STAU2: variants seen among roughly 807,000 people sequenced by gnomAD.
STAU2 encodes the protein staufen double-stranded RNA binding protein 2, also known as double-stranded RNA-binding protein Staufen homolog 2.
In STAU2, 20 loss-of-function variants were observed where a neutral mutation model predicts 65.9. That is an observed-to-expected ratio of 0.30 (90% CI 0.21 to 0.44). The LOEUF (loss-of-function observed/expected upper bound fraction) is 0.44. STAU2 is among the 20% of genes least tolerant of loss of function. STAU2 has a pLI of 1.00. For missense variants in STAU2, 558 were observed against 683.9 expected (o/e 0.82, Z 2.05); for synonymous variants, 232 against 233.9 (o/e 0.99, Z 0.07).
chr8:73,684,347 T>C (rs980852899), intron 5 of STAU2, among the ~76,000 whole-genome samples: 2 of 151,950 alleles, frequency 1.3e-5, no homozygotes, highest in Non-Finnish European at 2.9e-5. Context: ...ACACAAAAAA[T>C]ATAAAGTGGG....
At chr8:73,739,232 CAAAAAAA>C (rs34324889) in intron 2 of STAU2, among the ~76,000 whole-genome samples, 1 of 106,452 alleles carries the variant, frequency 9.4e-6, no homozygotes. Context: ...GACTCCATCT[CAAAAAAA>C]AAAAAAAAAA....
At chr8:73,666,986 G>A (rs537164097) in intron 6 of STAU2, among the ~76,000 whole-genome samples, 7 of 152,140 alleles carry the variant, frequency 4.6e-5, no homozygotes, top group African/African-American at 9.6e-5. Context: ...TAAATACTTC[G>A]TAGGCAATTT....
chr8:73,587,128 T>A (rs1178376547), intron 11 of STAU2, among the ~76,000 whole-genome samples: 1 of 152,024 alleles, frequency 6.6e-6, no homozygotes, highest in African/African-American at 2.4e-5. Context: ...AAGAATCAGG[T>A]GTTGAAATTT....
chr8:73,506,647 G>C (rs1317975374), intron 13 of STAU2, among the ~76,000 whole-genome samples: 1 of 152,130 alleles, frequency 6.6e-6, no homozygotes, highest in Non-Finnish European at 1.5e-5. Flanking sequence ...GCTGAAGACT[G>C]GGGTGGCTAT....
intron 3 of STAU2, among the ~76,000 whole-genome samples, chr8:73,720,869 A>AT (rs577652286): frequency 1.4e-3 from 213 of 152,014 alleles, no homozygotes; most frequent in African/African-American, 5.0e-3. Flanking sequence ...GATTACTTAT[A>AT]TTTTTTAATT....
At chr8:73,491,921 CAAGAG>C in intron 13 of STAU2, among the ~76,000 whole-genome samples, 1 of 151,890 alleles carries the variant, frequency 6.6e-6, no homozygotes, top group African/African-American at 2.4e-5. Flanking sequence ...TAAAAATACG[CAAGAG>C]AAGAAACCAT....
intron 12 of STAU2, among the ~76,000 whole-genome samples, chr8:73,559,963 A>G (rs1298046614): frequency 6.6e-6 from 1 of 152,218 alleles, no homozygotes; most frequent in African/African-American, 2.4e-5. Flanking sequence ...CAAAACAATG[A>G]AAAAATAAAA....
Position 73,718,810 on chromosome 8 carries a change from A to C in STAU2, c.-17-9648T>G, listed in dbSNP as rs899612118. On this transcript the variant is annotated intron_variant, in intron 3 of 14. Transcript: ENST00000524300. The stretch of plus-strand genomic sequence containing the variant: ...TATTTTTGATGCTTTTGAAAATGCT[A>C]CTCTTTTATTTTCATTTATGATTGT... 2.0e-5 allele frequency among the ~76,000 whole-genome samples: 3 copies of C among 152,108 alleles called. No homozygotes were observed. The South Asian group carries it at 6.2e-4, about 32-fold the overall frequency.
intron 13 of STAU2, among the ~76,000 whole-genome samples, chr8:73,461,988 C>T (rs1819376650): frequency 6.6e-6 from 1 of 152,188 alleles, no homozygotes; most frequent in Non-Finnish European, 1.5e-5. Context: ...CACCCCATCC[C>T]TCCATCTTTT....
chr8:73,581,598 C>G (rs923716381), intron 12 of STAU2, among the ~76,000 whole-genome samples: 4 of 152,178 alleles, frequency 2.6e-5, no homozygotes, highest in African/African-American at 9.6e-5. Flanking sequence ...ATTCAAACAT[C>G]AAAGGAACTG....
At chr8:73,547,832 A>C (rs2128940962) in intron 13 of STAU2, among the ~76,000 whole-genome samples, 1 of 152,318 alleles carries the variant, frequency 6.6e-6, no homozygotes, top group East Asian at 1.9e-4. Context: ...CAAATTAAAA[A>C]TAAGGGAAAA....
At chr8:73,427,169 C>T (rs1303141296) in intron 13 of STAU2, among the ~76,000 whole-genome samples, 1 of 151,984 alleles carries the variant, frequency 6.6e-6, no homozygotes, top group African/African-American at 2.4e-5. Flanking sequence ...CTCAGGTGAC[C>T]CGCCTGCCTC....
At chr8:73,497,764 T>C (rs1821502594) in intron 13 of STAU2, among the ~76,000 whole-genome samples, 1 of 150,722 alleles carries the variant, frequency 6.6e-6, no homozygotes, top group Non-Finnish European at 1.5e-5. Flanking sequence ...GATGTTACTA[T>C]AATCTTTTGA....
upstream of STAU2, chr8:73,747,336 A>G (rs1191499386): frequency 1.3e-6 from 2 of 1,526,104 alleles, no homozygotes; most frequent in Admixed American, 2.0e-5. Flanking sequence ...CGCCCGACTG[A>G]CCGTCTGCTC....
At chr8:73,652,133 A>G (rs2130238858) in intron 6 of STAU2, 1 of 152,314 alleles carries the variant, frequency 6.6e-6, no homozygotes, top group East Asian at 1.9e-4. Flanking sequence ...TAAAGGTTGT[A>G]GGCTTTGTGT....
intron 4 of STAU2, among the ~76,000 whole-genome samples, chr8:73,703,645 T>C (rs1252891768): frequency 3.3e-5 from 5 of 152,158 alleles, no homozygotes; most frequent in African/African-American, 1.2e-4. Context: ...GAAGAAATAC[T>C]GACACACACA....
At chr8:73,442,209 C>A (rs1818202184) in intron 13 of STAU2, among the ~76,000 whole-genome samples, 1 of 152,052 alleles carries the variant, frequency 6.6e-6, no homozygotes, top group African/African-American at 2.4e-5. Flanking sequence ...AAAAAATTAG[C>A]TGGGTGTGGT....
intron 13 of STAU2, among the ~76,000 whole-genome samples, chr8:73,487,266 T>C (rs1450072618): frequency 6.6e-6 from 1 of 152,116 alleles, no homozygotes; most frequent in Non-Finnish European, 1.5e-5. Context: ...GGAAGGACTC[T>C]GGTGCTCAGT....
intron 9 of STAU2, among the ~76,000 whole-genome samples, chr8:73,611,661 A>T (rs1812472625): frequency 6.7e-6 from 1 of 150,068 alleles, no homozygotes; most frequent in Non-Finnish European, 1.5e-5. Flanking sequence ...TATTATGATG[A>T]TTATTATTAT....
Sources: allele counts gnomAD v4.1 joint callset (sites outside exome capture counted in the v4.1 genomes callset), GRCh38; gene constraint gnomAD v4.1.1; transcripts MANE v1.5; gene names NCBI Gene and HGNC (gene_info 2026-07-23, HGNC 2026-07-21).